Variants in SLC38A6 observed in about 807,000 individuals in gnomAD.
SLC38A6 encodes solute carrier family 38 member 6, also known as N system amino acid transporter NAT-1.
Under a neutral mutation model 65.0 loss-of-function variants are expected in SLC38A6, and 73 were observed. That is an observed-to-expected ratio of 1.12 (90% CI 0.93 to 1.37). SLC38A6 has a LOEUF of 1.37. Ranked by LOEUF, SLC38A6 falls within the 40% of genes most tolerant of loss-of-function variation. SLC38A6 has a pLI of 0.00. For missense variants in SLC38A6, 561 were observed against 531.1 expected (o/e 1.06, Z -0.55); for synonymous variants, 183 against 178.8 (o/e 1.02, Z -0.19).
intron 5 of SLC38A6, among the ~76,000 whole-genome samples, chr14:61,023,727 C>G (rs1429161640): frequency 6.6e-6 from 1 of 151,778 alleles, no homozygotes; most frequent in Non-Finnish European, 1.5e-5. Flanking sequence ...TCATGAGATA[C>G]AATTCCTGTG....
At chr14:61,009,697 C>G (rs1292171513) in intron 3 of SLC38A6, among the ~76,000 whole-genome samples, 1 of 152,172 alleles carries the variant, frequency 6.6e-6, no homozygotes, top group Non-Finnish European at 1.5e-5. Flanking sequence ...CATGTCCCTA[C>G]AAAGGACATG....
At position 60,984,757 on chromosome 14, in the gene SLC38A6, G is replaced by A. The variant is rs1317024099; in HGVS notation, c.264G>A (p.Leu88=). Residue 88 remains leucine, a synonymous_variant, in exon 3 of 16, where the codon CTG becomes CTA. Transcript: ENST00000267488. The part of the protein sequence containing the change: ...FSFLLLTVAL[L]ASYSVHLLLS... Reference sequence around the variant, plus strand: ...TCTTGCTGCTGACAGTTGCTCTCCTGGCTTCTTACTCAGTCCATCTTCTGC... The same window carrying A: ...TCTTGCTGCTGACAGTTGCTCTCCTAGCTTCTTACTCAGTCCATCTTCTGC... The A allele has an allele frequency of 1.2e-6, 2 of 1,613,842 alleles. No homozygotes were observed. Among genetic ancestry groups the A allele is most frequent in the Admixed American group, 1.7e-5 (1 of 60,006 alleles).
chr14:61,005,877 C>G (rs535897772), intron 3 of SLC38A6, among the ~76,000 whole-genome samples: 2 of 152,254 alleles, frequency 1.3e-5, no homozygotes, highest in Admixed American at 1.3e-4. Flanking sequence ...CAAGTCAATC[C>G]TAAGCCAAAA....
Position 61,076,592 on chromosome 14 carries a change from G to A in SLC38A6, c.1291-2218G>A, listed in dbSNP as rs374993021. Among the ~76,000 whole-genome samples the A allele has an allele frequency of 1.6e-3, 246 of 152,334 alleles. 10 individuals are homozygous for A. In the South Asian group the frequency reaches 0.05, roughly 31 times the overall value. On this transcript the variant is annotated intron_variant, in intron 15 of 16. Transcript: ENST00000354886. ...TGCTTAATTACCATGTAAATAAAGT[G>A]TATCCAACTGTTGGAGTTTTTTTCT... is the stretch of plus-strand genomic sequence containing the variant.
intron 8 of SLC38A6, 61 bp from the exon 9 acceptor site, chr14:61,043,086 T>A: frequency 9.4e-7 from 1 of 1,061,082 alleles, no homozygotes; most frequent in East Asian, 2.5e-5. Context: ...CCTATTTCAA[T>A]TCAGTTTCTT....
intron 5 of SLC38A6, among the ~76,000 whole-genome samples, chr14:61,025,516 G>T (rs1958271): frequency 6.6e-6 from 1 of 151,874 alleles, no homozygotes; most frequent in African/African-American, 2.4e-5. Context: ...GAGAGGTACA[G>T]GAAATTTGGA....
At chr14:61,031,506 TA>T (rs34040845) in intron 6 of SLC38A6, among the ~76,000 whole-genome samples, 2 of 152,026 alleles carry the variant, frequency 1.3e-5, no homozygotes, top group African/African-American at 2.4e-5. Flanking sequence ...AAAATGTAGT[TA>T]AAAAAAGACA....
intron 5 of SLC38A6, among the ~76,000 whole-genome samples, chr14:61,022,920 T>A (rs912810997): frequency 5.3e-5 from 8 of 152,360 alleles, no homozygotes; most frequent in African/African-American, 1.7e-4. Context: ...TCAGTTGGCC[T>A]TTATTCTTTC....
rs751335707 is a variant in SLC38A6, at chr14:60,984,825, C to G, written c.310+22C>G. On this transcript the variant is annotated intron_variant, in intron 3 of 15. Transcript: ENST00000267488. ...ACAGGTGAGTAAAAATGTTATGCTG[C>G]TTCATTTAATAAAGGAGTCTCTTGA... is the stretch of plus-strand genomic sequence containing the variant. 1.9e-6 allele frequency: 3 copies of G among 1,605,318 alleles called. No homozygotes were observed. The South Asian group carries it at 3.3e-5, about 18-fold the overall frequency.
At position 61,032,835 on chromosome 14, in the gene SLC38A6, A is replaced by G. The variant is rs540897900; in HGVS notation, c.482+2312A>G. ...GTATTTCTTCTATGAGAGAAACATG[A>G]TATTGATAAGCTTTTATTTTAGGGT... On this transcript the variant is annotated intron_variant, in intron 6 of 15. Coordinates refer to ENST00000267488, the MANE Select transcript of SLC38A6 (RefSeq NM_153811.3). Among the ~76,000 whole-genome samples, 19 of 152,006 alleles carry G rather than the reference A, an allele frequency of 1.2e-4. No individual in the cohort carries two copies. The East Asian group carries it at 2.9e-3, about 23-fold the overall frequency.
chr14:61,042,548 T>A (rs2041874669), intron 8 of SLC38A6, among the ~76,000 whole-genome samples: 1 of 152,092 alleles, frequency 6.6e-6, no homozygotes. Flanking sequence ...GGATTTCTTT[T>A]AATGTTTTTT....
intron 16 of SLC38A6, among the ~76,000 whole-genome samples, chr14:61,082,928 CAG>C (rs1393585899): frequency 6.6e-6 from 1 of 152,164 alleles, no homozygotes; most frequent in East Asian, 1.9e-4. Context: ...CCTATAGACA[CAG>C]TGTTTTCTCA....
At chr14:61,029,462 T>A (rs1335101211) in intron 5 of SLC38A6, among the ~76,000 whole-genome samples, 1 of 152,084 alleles carries the variant, frequency 6.6e-6, no homozygotes, top group Non-Finnish European at 1.5e-5. Flanking sequence ...CCCCAACACA[T>A]ACACACAAAC....
At chr14:61,000,924 T>C (rs1031969530) in intron 3 of SLC38A6, among the ~76,000 whole-genome samples, 1 of 152,356 alleles carries the variant, frequency 6.6e-6, no homozygotes, top group African/African-American at 2.4e-5. Context: ...CATTTTCTTA[T>C]GGTTTGGAAT....
chr14:60,988,403 T>C (rs2037612021), intron 3 of SLC38A6, among the ~76,000 whole-genome samples: 1 of 152,216 alleles, frequency 6.6e-6, no homozygotes, highest in African/African-American at 2.4e-5. Context: ...ACTCACCTTT[T>C]AGTTCTCTTC....
intron 15 of SLC38A6, among the ~76,000 whole-genome samples, chr14:61,062,742 A>G (rs1383671447): frequency 2.0e-5 from 3 of 152,126 alleles, no homozygotes; most frequent in Non-Finnish European, 4.4e-5. Flanking sequence ...GTGCAGTGGT[A>G]TAATCTCGGC....
At chr14:60,994,422 G>A (rs2038124558) in intron 3 of SLC38A6, among the ~76,000 whole-genome samples, 1 of 152,096 alleles carries the variant, frequency 6.6e-6, no homozygotes, top group African/African-American at 2.4e-5. Context: ...CTGCATGCCT[G>A]TAATCCCAGC....
At chr14:61,025,888 A>G (rs563218454) in intron 5 of SLC38A6, among the ~76,000 whole-genome samples, 28 of 152,304 alleles carry the variant, frequency 1.8e-4, no homozygotes, top group African/African-American at 6.7e-4. Flanking sequence ...GACTAAAAAC[A>G]TGTTTGAAAT....
chr14:61,019,918 C>G (rs1192709400), intron 5 of SLC38A6, among the ~76,000 whole-genome samples: 2 of 152,086 alleles, frequency 1.3e-5, no homozygotes, highest in African/African-American at 4.8e-5. Context: ...TACTTTTGTT[C>G]TAATCACCCT....
Sources: allele counts gnomAD v4.1 joint callset (sites outside exome capture counted in the v4.1 genomes callset), GRCh38; gene constraint gnomAD v4.1.1; transcripts MANE v1.5; gene names NCBI Gene and HGNC (gene_info 2026-07-23, HGNC 2026-07-21).